KCTD2: variants seen among roughly 807,000 people sequenced by gnomAD.
KCTD2 encodes potassium channel tetramerization domain containing 2, also known as BTB/POZ domain-containing protein KCTD2.
A neutral mutation model predicts 27.9 loss-of-function variants in KCTD2; 18 were observed. The observed-to-expected ratio is 0.64, with a 90% CI of 0.45 to 0.96. The LOEUF (loss-of-function observed/expected upper bound fraction) is 0.96, where lower values mean the gene tolerates loss of function less well. KCTD2 is among the 40% of genes least tolerant of loss of function. The pLI is 0.00. For synonymous variants in KCTD2, 175 were observed against 148.4 expected, an observed-to-expected ratio of 1.18 and a Z score of -1.30; for missense variants, 280 against 348.0, an observed-to-expected ratio of 0.80 and a Z score of 1.56.
intron 3 of KCTD2, chr17:75,042,205 G>A (rs777346570): frequency 1.9e-6 from 3 of 1,614,098 alleles, no homozygotes; most frequent in Non-Finnish European, 2.5e-6. Context: ...CATCCACCAA[G>A]CCAGCCTTGG....
chr17:75,060,308 C>G (rs1598128597), intron 4 of KCTD2, among the ~76,000 whole-genome samples: 1 of 151,876 alleles, frequency 6.6e-6, no homozygotes, highest in East Asian at 1.9e-4. Context: ...ACAGACATTG[C>G]TACATCACTA....
chr17:75,056,287 C>T (rs1459442093), intron 3 of KCTD2, among the ~76,000 whole-genome samples: 1 of 152,132 alleles, frequency 6.6e-6, no homozygotes. Context: ...GCTATCTTAC[C>T]TTTACGTGGT....
intron 3 of KCTD2, chr17:75,059,026 A>C (rs1336203311): frequency 6.6e-6 from 1 of 151,786 alleles, no homozygotes; most frequent in Non-Finnish European, 1.5e-5. Flanking sequence ...TGAACCTGGG[A>C]GGCAGAGCCT....
In KCTD2 at chr17:75,053,111, G is replaced by C; in HGVS notation, c.540+6G>C. 6.2e-7 allele frequency: 1 copy of C among 1,609,316 alleles called. No individual in the cohort carries two copies. Among genetic ancestry groups the C allele is most frequent in the Non-Finnish European group, 8.5e-7 (1 of 1,175,770 alleles). On this transcript the variant is annotated splice_donor_region_variant and intron_variant, in intron 3 of 5. Coordinates refer to ENST00000322444, the MANE Select transcript of KCTD2 (RefSeq NM_015353.3). The stretch of plus-strand genomic sequence containing the variant: ...ATGAGAACAGAACTTCACAAGTAAT[G>C]TATTTGGAACTGTTAAGGAGGGTTG...
In KCTD2 at chr17:75,052,825, C is replaced by T. The variant is rs114077345; in HGVS notation, c.449-189C>T. ...AAGAGAATCATTTGAACGCAGGAGGCGGAGGTTGCCGTGAGCCAAGATCGC... is the reference window on the plus strand; with the variant it reads ...AAGAGAATCATTTGAACGCAGGAGGTGGAGGTTGCCGTGAGCCAAGATCGC... On this transcript the variant is annotated intron_variant, in intron 2 of 5. Coordinates refer to ENST00000322444, the MANE Select transcript of KCTD2 (RefSeq NM_015353.3). Among the ~76,000 whole-genome samples, 1,293 of 152,268 alleles carry T rather than the reference C, an allele frequency of 8.5e-3. 16 individuals are homozygous for T. Among genetic ancestry groups the T allele is most frequent in the African/African-American group, 0.028 (1,166 of 41,548 alleles).
rs1319572990 is a variant in KCTD2, at chr17:75,063,037, C to G, written c.782C>G (p.Ser261Trp). The change falls in exon 6 of 6, where the codon TCG (serine) becomes TGG (tryptophan). Residue 261 changes from serine to tryptophan, a missense_variant. Coordinates refer to ENST00000322444, the MANE Select transcript of KCTD2 (RefSeq NM_015353.3). ...EKAKILQERG[S>W]RM ...TTTCAGATTCTTCAGGAGAGAGGATCGCGGATGTAAACTAAGACCCCGAAA... is the reference window on the plus strand; with the variant it reads ...TTTCAGATTCTTCAGGAGAGAGGATGGCGGATGTAAACTAAGACCCCGAAA... 6.2e-7 allele frequency: 1 copy of G among 1,613,810 alleles called. No homozygotes were observed. The highest frequency in any genetic ancestry group is 1.1e-5 in the South Asian group (1 of 91,054).
chr17:75,040,182 G>A lies in KCTD2; in HGVS notation c.-259+4825G>A, dbSNP rs373588497. ...CATTAAACTACAAACACAAGGGCAC[G>A]GGAACCTTCAGCGCATTAAACTACA... On this transcript the variant is annotated intron_variant, in intron 3 of 7. Transcript: ENST00000581589. The A allele has an allele frequency of 1.9e-5, 30 of 1,611,388 alleles. No homozygotes were observed. In the East Asian group the frequency reaches 2.9e-4, roughly 16 times the overall value.
At chr17:75,035,645 C>T (rs1255526650) in intron 3 of KCTD2, among the ~76,000 whole-genome samples, 1 of 152,154 alleles carries the variant, frequency 6.6e-6, no homozygotes, top group African/African-American at 2.4e-5. Context: ...TGGTGAAACC[C>T]CGTCTCTACT....
Position 75,047,605 on chromosome 17 carries a change from G to T in KCTD2, c.339+16G>T. 6.2e-7 allele frequency: 1 copy of T among 1,601,276 alleles called. No homozygotes were observed. The highest frequency in any genetic ancestry group is 1.1e-5 in the South Asian group (1 of 90,452). ...CTCAGACAAGGTGTGCCCCGCCCTC[G>T]GGCGCGCCCCCGGGCCTTCGAACCC... On this transcript the variant is annotated intron_variant, in intron 1 of 5. Transcript: ENST00000322444.
intron 4 of KCTD2, among the ~76,000 whole-genome samples, chr17:75,060,899 C>T (rs1283747755): frequency 1.3e-5 from 2 of 152,304 alleles, no homozygotes; most frequent in African/African-American, 2.4e-5. Context: ...TCAGAGCCAG[C>T]GGTGATTATT....
intron 4 of KCTD2, chr17:75,060,478 C>T: frequency 6.2e-7 from 1 of 1,611,666 alleles, no homozygotes; most frequent in Non-Finnish European, 8.5e-7. Flanking sequence ...CTTTCAGAAA[C>T]CAGGGTTGGA....
intron 3 of KCTD2, among the ~76,000 whole-genome samples, chr17:75,055,703 A>G (rs374058787): frequency 2.6e-4 from 40 of 152,280 alleles, no homozygotes; most frequent in East Asian, 1.9e-3. Flanking sequence ...GTGGTGGCAC[A>G]TGCCTGTAAT....
chr17:75,059,731 C>A, intron 4 of KCTD2, 126 bp downstream of exon 4: 1 of 691,326 alleles, frequency 1.4e-6, no homozygotes, highest in Non-Finnish European at 2.4e-6. Flanking sequence ...GATCCTATTC[C>A]AAAACATGGG....
intron 2 of KCTD2, among the ~76,000 whole-genome samples, chr17:75,052,503 C>G (rs917853131): frequency 1.3e-5 from 2 of 152,240 alleles, no homozygotes; most frequent in Admixed American, 6.5e-5. Context: ...AGATGGATCA[C>G]CTGAGGTCAG....
intron 3 of KCTD2, chr17:75,041,443 C>G (rs111793371): frequency 0.08 from 10,251 of 127,538 alleles, 732 homozygotes; most frequent in African/African-American, 0.23. Flanking sequence ...AAACCTGTCT[C>G]TACCAAAAAA....
chr17:75,059,171 A>G (rs569867603), intron 3 of KCTD2: 1 of 158,772 alleles, frequency 6.3e-6, no homozygotes, highest in Admixed American at 6.5e-5. Context: ...GGGGAAATGG[A>G]TTAAATCTAA....
rs1181165488 is a variant in KCTD2 at position 75,065,591 on chromosome 17, G to A, written c.*2544G>A. 6.6e-6 allele frequency: 1 copy of A among 152,248 alleles called. No homozygotes were observed. 9.4% of individuals were successfully genotyped at this position (152,248 alleles called of 1,614,324 possible). A position where few individuals can be genotyped will look rare whatever the true frequency, so the allele number is the denominator to read the frequency against. On this transcript the variant is annotated 3_prime_UTR_variant, in exon 6 of 6. Transcript: ENST00000322444. Reference sequence around the variant, plus strand: ...TAGCACTGATTCTGTCTTTTCCTCAGAATCTGGCCTTTTTCCATGGCAATG... The same window carrying A: ...TAGCACTGATTCTGTCTTTTCCTCAAAATCTGGCCTTTTTCCATGGCAATG...
At chr17:75,034,515 C>T (rs777577285) in intron 2 of KCTD2, among the ~76,000 whole-genome samples, 9 of 152,156 alleles carry the variant, frequency 5.9e-5, no homozygotes, top group African/African-American at 9.7e-5. Flanking sequence ...CGGTAAGACG[C>T]TAAACCCACG....
chr17:75,052,610 C>A (rs1050758207), intron 2 of KCTD2, among the ~76,000 whole-genome samples: 1 of 152,320 alleles, frequency 6.6e-6, no homozygotes, highest in Non-Finnish European at 1.5e-5. Context: ...GTAATCCCAG[C>A]TACTTGGAAG....
Sources: allele counts gnomAD v4.1 joint callset (sites outside exome capture counted in the v4.1 genomes callset), GRCh38; gene constraint gnomAD v4.1.1; transcripts MANE v1.5; gene names NCBI Gene and HGNC (gene_info 2026-07-23, HGNC 2026-07-21).